Variants in AATF observed in about 807,000 individuals in gnomAD.
The protein encoded by AATF is apoptosis antagonizing transcription factor.
AATF carries 48 observed loss-of-function variants against 63.7 expected under a neutral mutation model. The observed-to-expected ratio is 0.75, with a 90% confidence interval of 0.60 to 0.96. The LOEUF is 0.96. Among genes scored for constraint, AATF ranks in the 40% least tolerant of loss-of-function variants. The pLI, the probability that AATF is intolerant of heterozygous loss-of-function variation, is 0.00. For synonymous variants in AATF, 258 were observed against 247.7 expected (o/e 1.04, Z -0.39); for missense variants, 639 against 685.7 (o/e 0.93, Z 0.76).
chr17:37,034,488 A>G (rs2071575078), intron 11 of AATF, among the ~76,000 whole-genome samples: 1 of 152,124 alleles, frequency 6.6e-6, no homozygotes, highest in South Asian at 2.1e-4. Context: ...ACTGCATGCT[A>G]CTTTTCCTCA....
intron 10 of AATF, among the ~76,000 whole-genome samples, chr17:37,028,869 G>A (rs1355194431): frequency 6.6e-6 from 1 of 152,058 alleles, no homozygotes; most frequent in Non-Finnish European, 1.5e-5. Flanking sequence ...CTGTTCCTAC[G>A]GTTATATGCA....
rs779324962 is a variant in AATF, at chr17:36,953,304, C to T, written c.694+8C>T. 6.2e-7 allele frequency: 1 copy of T among 1,602,674 alleles called. No homozygotes were observed. The highest frequency in any genetic ancestry group is 1.1e-5 in the South Asian group (1 of 90,520). ...CCGTGAAGAACCAGATAGGTTTGTA[C>T]ATGGTTTTGCTGATTGCCTGTTTTT... is the stretch of plus-strand genomic sequence containing the variant. On this transcript the variant is annotated splice_region_variant and intron_variant, in intron 3 of 11. Coordinates refer to ENST00000619387, the MANE Select transcript of AATF (RefSeq NM_012138.4).
At chr17:37,004,334 AAGAG>A (rs201508524) in intron 8 of AATF, among the ~76,000 whole-genome samples, 2 of 152,166 alleles carry the variant, frequency 1.3e-5, no homozygotes, top group Non-Finnish European at 2.9e-5. Flanking sequence ...TCTGAAAAAA[AAGAG>A]AGAGAGTGAG....
In AATF at chr17:36,949,164, G is replaced by C; in HGVS notation, c.39G>C (p.Gln13His). ...GPQPLALQLEQLLNPRPSEAD... is the reference protein window; with the variant it reads ...GPQPLALQLEHLLNPRPSEAD... The stretch of plus-strand genomic sequence containing the variant: ...AGCCCCTGGCGCTGCAACTGGAACA[G>C]TTGTTGAACCCGCGACCAAGCGAGG... The change falls in exon 1 of 12, where the codon CAG becomes CAC. Residue 13 changes from glutamine to histidine, a missense_variant. Physicochemically the swap from Gln to His is conservative, Grantham distance 24. Transcript: ENST00000619387. 1 of 1,592,238 alleles carries C rather than the reference G, an allele frequency of 6.3e-7. No individual in the cohort carries two copies. The highest frequency in any genetic ancestry group is 2.3e-5 in the East Asian group (1 of 44,078).
intron 10 of AATF, among the ~76,000 whole-genome samples, chr17:37,026,862 C>G (rs1567988756): frequency 6.6e-6 from 1 of 152,094 alleles, no homozygotes; most frequent in Admixed American, 6.5e-5. Context: ...CAAGTGGCCC[C>G]CCAGGCTAGA....
intron 8 of AATF, among the ~76,000 whole-genome samples, chr17:37,016,746 T>G (rs1205035421): frequency 6.6e-6 from 1 of 152,164 alleles, no homozygotes; most frequent in Non-Finnish European, 1.5e-5. Context: ...TGAAAGCAAT[T>G]TTCTAATTAA....
chr17:36,991,184 T>C (rs901337441), intron 8 of AATF, among the ~76,000 whole-genome samples: 1 of 152,172 alleles, frequency 6.6e-6, no homozygotes, highest in South Asian at 2.1e-4. Flanking sequence ...TGTTAAGTTA[T>C]TTGGTTTCTT....
At chr17:36,988,209 C>A (rs149899388) in intron 5 of AATF, among the ~76,000 whole-genome samples, 5 of 152,084 alleles carry the variant, frequency 3.3e-5, no homozygotes, top group African/African-American at 1.2e-4. Flanking sequence ...CCCAGCTACC[C>A]ATGAGGCTGA....
intron 4 of AATF, chr17:36,980,270 C>G (rs908598685): frequency 6.6e-6 from 1 of 152,168 alleles, no homozygotes; most frequent in Non-Finnish European, 1.5e-5. Flanking sequence ...TACATTTATC[C>G]TCTACTGAAA....
chr17:37,021,341 T>C (rs1352938781), intron 10 of AATF, among the ~76,000 whole-genome samples: 3 of 152,136 alleles, frequency 2.0e-5, no homozygotes, highest in Non-Finnish European at 4.4e-5. Context: ...AATATAAAAA[T>C]GTTATGGCCA....
At chr17:37,049,536 C>T (rs1344591582) in intron 11 of AATF, among the ~76,000 whole-genome samples, 2 of 148,302 alleles carry the variant, frequency 1.3e-5, no homozygotes, top group Non-Finnish European at 3.0e-5. Flanking sequence ...ACCTGGGAGG[C>T]GGAGCTTGCA....
At chr17:36,976,143 A>AT (rs2071078375) in intron 4 of AATF, among the ~76,000 whole-genome samples, 2 of 152,056 alleles carry the variant, frequency 1.3e-5, no homozygotes, top group Non-Finnish European at 2.9e-5. Context: ...AAGTTTTGTC[A>AT]TTTTTTTAGT....
intron 10 of AATF, among the ~76,000 whole-genome samples, chr17:37,030,351 T>C (rs1411254569): frequency 1.3e-5 from 2 of 152,216 alleles, no homozygotes; most frequent in African/African-American, 4.8e-5. Flanking sequence ...TGTAAAAATG[T>C]TCCTAAAACT....
At chr17:37,051,023 C>T (rs532612438) in intron 11 of AATF, 1 of 152,368 alleles carries the variant, frequency 6.6e-6, no homozygotes, top group South Asian at 2.1e-4. Context: ...GGTCTTCCCA[C>T]CTCAACCTCC....
Position 36,950,271 on chromosome 17 carries a change from T to G in AATF, c.149T>G (p.Phe50Cys). 6.2e-7 allele frequency: 1 copy of G among 1,614,182 alleles called. No homozygotes were observed. The highest frequency in any genetic ancestry group is 8.5e-7 in the Non-Finnish European group (1 of 1,180,026). The change falls in exon 2 of 12, where the codon TTC (phenylalanine) becomes TGC (cysteine). Residue 50 changes from phenylalanine to cysteine, a missense_variant. Transcript: ENST00000619387. ...GAAGGGGAAGATGGGGAAGGTGATT[T>G]CCTAGTAGTGGGTAGCATTAGAAAA... Reference protein sequence around the residue: ...FDEGEDGEGDFLVVGSIRKLA... With the variant: ...FDEGEDGEGDCLVVGSIRKLA...
chr17:37,028,533 C>T (rs2071527796), intron 10 of AATF, among the ~76,000 whole-genome samples: 2 of 152,044 alleles, frequency 1.3e-5, no homozygotes, highest in South Asian at 4.1e-4. Flanking sequence ...CGCCTGTAAT[C>T]CGAGCACTTT....
rs561058926 is a variant in AATF at position 36,950,429 on chromosome 17, ACTCTT to A, written c.283+31_283+35del. On this transcript the variant is annotated intron_variant, in intron 2 of 11. Transcript: ENST00000619387. Reference sequence around the variant, plus strand: ...TGGTGAGTAGACATTTTTGAATGGAACTCTTCTCTTCCCTAATTTTTTCAGGGTTA... The same window carrying A: ...TGGTGAGTAGACATTTTTGAATGGAACTCTTCCCTAATTTTTTCAGGGTTA... 4.4e-5 allele frequency: 71 copies of A among 1,602,152 alleles called. No homozygotes were observed. The East Asian group carries it at 1.1e-3, about 25-fold the overall frequency.
intron 11 of AATF, among the ~76,000 whole-genome samples, chr17:37,037,067 G>A (rs2071599113): frequency 6.7e-6 from 1 of 149,836 alleles, no homozygotes; most frequent in Non-Finnish European, 1.5e-5. Flanking sequence ...GTAGTGCAGT[G>A]GGGTAATCTC....
In AATF at chr17:37,047,387, T is replaced by C. The variant is rs541154750; in HGVS notation, c.1620-9214T>C. Among the ~76,000 whole-genome samples the C allele has an allele frequency of 2.0e-5, 3 of 152,256 alleles. No individual in the cohort carries two copies. The South Asian group carries it at 6.2e-4, about 32-fold the overall frequency. On this transcript the variant is annotated intron_variant, in intron 11 of 11. Coordinates refer to ENST00000619387, the MANE Select transcript of AATF (RefSeq NM_012138.4). The stretch of plus-strand genomic sequence containing the variant: ...AGGGATGGTGGAAGTTTTGAGTATT[T>C]TTCTTCCTTTGTTAAAGTGCAGGGG...
Sources: gnomAD v4.1 joint callset for allele counts (sites outside exome capture counted in the v4.1 genomes callset) on GRCh38, gnomAD v4.1.1 for gene constraint, MANE v1.5 for transcripts, NCBI Gene and HGNC (gene_info 2026-07-23, HGNC 2026-07-21) for gene names.